AZIN2: variants seen among roughly 807,000 people sequenced by gnomAD.
AZIN2 encodes antizyme inhibitor 2, also known as ODC antizyme inhibitor-2.
In AZIN2, 28 loss-of-function variants were observed where a neutral mutation model predicts 47.8. The ratio of observed to expected loss-of-function variants is 0.59; its 90% CI spans 0.43 to 0.80. The LOEUF is 0.80. Ranked by LOEUF, AZIN2 falls within the 30% of genes least tolerant of loss-of-function variation. The probability of loss-of-function intolerance (pLI) is 0.00; values close to 1 mark genes in which losing one functional copy is unlikely to be tolerated. For synonymous variants in AZIN2, 221 were observed against 239.4 expected, an observed-to-expected ratio of 0.92 and a Z score of 0.71; for missense variants, 535 against 582.5, an observed-to-expected ratio of 0.92 and a Z score of 0.84.
chr1:33,162,283 AACTCCACCTGCCT>A, the AZIN2 span, among the ~76,000 whole-genome samples: 1 of 152,154 alleles, frequency 6.6e-6, no homozygotes, highest in African/African-American at 2.4e-5. Flanking sequence ...ACTGCATTGC[AACTCCACCTGCCT>A]AGAATGACCC....
intron 5 of AZIN2, among the ~76,000 whole-genome samples, chr1:33,087,369 G>A (rs1475528314): frequency 6.6e-6 from 1 of 151,772 alleles, no homozygotes; most frequent in African/African-American, 2.4e-5. Context: ...CCGACCTCAG[G>A]TGATCCACCC....
the AZIN2 span, chr1:33,147,697 G>A: frequency 1.9e-6 from 3 of 1,613,110 alleles, no homozygotes; most frequent in Non-Finnish European, 2.5e-6. The surrounding 1 kb of genome is among the most constrained non-coding windows in gnomAD (Gnocchi z 8.1). Flanking sequence ...CTGGTGGGCT[G>A]TGCCCGGGTC....
the AZIN2 span, among the ~76,000 whole-genome samples, chr1:33,152,009 T>C: frequency 6.6e-6 from 1 of 152,204 alleles, no homozygotes; most frequent in Non-Finnish European, 1.5e-5. Context: ...AAAAACCAGG[T>C]TCCTCAGTCC....
At chr1:33,139,393 G>T in the AZIN2 span, among the ~76,000 whole-genome samples, 1 of 152,156 alleles carries the variant, frequency 6.6e-6, no homozygotes, top group Non-Finnish European at 1.5e-5. Context: ...CATAGGACAG[G>T]ATCCCCATCT....
intron 10 of AZIN2, among the ~76,000 whole-genome samples, chr1:33,107,376 T>G (rs1246162516): frequency 6.6e-6 from 1 of 152,044 alleles, no homozygotes; most frequent in East Asian, 1.9e-4. Flanking sequence ...GGTCAGGAGT[T>G]CGAGACCAGC....
At chr1:33,091,701 C>T (rs1339682044) in intron 5 of AZIN2, among the ~76,000 whole-genome samples, 1 of 152,184 alleles carries the variant, frequency 6.6e-6, no homozygotes, top group African/African-American at 2.4e-5. Context: ...TTCCTTAAGA[C>T]AATTAATTGT....
intron 10 of AZIN2, among the ~76,000 whole-genome samples, chr1:33,107,607 A>G (rs1333843376): frequency 6.6e-6 from 1 of 152,112 alleles, no homozygotes; most frequent in Middle Eastern, 3.2e-3. Context: ...ACAAACAAAA[A>G]AACTCTAAAG....
chr1:33,133,716 T>A, the AZIN2 span, among the ~76,000 whole-genome samples: 1 of 152,304 alleles, frequency 6.6e-6, no homozygotes, highest in African/African-American at 2.4e-5. Flanking sequence ...CAGGGCAGGC[T>A]GTGCTTCTGG....
the AZIN2 span, chr1:33,143,182 T>C: frequency 3.3e-5 from 5 of 152,146 alleles, no homozygotes; most frequent in African/African-American, 1.2e-4. Flanking sequence ...ATCAAATATA[T>C]CTCTTGGAGA....
chr1:33,154,910 G>T, the AZIN2 span, among the ~76,000 whole-genome samples: 1 of 151,822 alleles, frequency 6.6e-6, no homozygotes, highest in South Asian at 2.1e-4. Flanking sequence ...TGGCTAACAC[G>T]GTGAAACCCC....
chr1:33,101,581 A>C (rs1643700164), intron 10 of AZIN2, among the ~76,000 whole-genome samples: 1 of 149,866 alleles, frequency 6.7e-6, no homozygotes, highest in African/African-American at 2.5e-5. Context: ...ACTCCATGGG[A>C]GATCTTGTCT....
At chr1:33,086,298 G>A (rs1013491879) in intron 5 of AZIN2, among the ~76,000 whole-genome samples, 3 of 152,136 alleles carry the variant, frequency 2.0e-5, no homozygotes, top group Non-Finnish European at 2.9e-5. Context: ...TGGAGGTTCC[G>A]CATCAGGGTG....
chr1:33,101,608 G>A (rs1643703473), intron 10 of AZIN2, among the ~76,000 whole-genome samples: 1 of 151,530 alleles, frequency 6.6e-6, no homozygotes, highest in Admixed American at 6.6e-5. Context: ...TCCTTTTAGA[G>A]TAATAAGCAT....
At chr1:33,158,716 T>C in the AZIN2 span, among the ~76,000 whole-genome samples, 1 of 152,214 alleles carries the variant, frequency 6.6e-6, no homozygotes, top group Admixed American at 6.5e-5. Context: ...AATGACTAAG[T>C]GTTATTACTA....
chr1:33,144,015 T>G, the AZIN2 span, among the ~76,000 whole-genome samples: 1 of 152,224 alleles, frequency 6.6e-6, no homozygotes, highest in Non-Finnish European at 1.5e-5. Context: ...ACCTAGTCCT[T>G]GCCTTTTCCT....
chr1:33,085,930 G>A (rs779083455), intron 5 of AZIN2, among the ~76,000 whole-genome samples: 6 of 152,182 alleles, frequency 3.9e-5, no homozygotes, highest in Non-Finnish European at 8.8e-5. Context: ...GGGCCTCCAC[G>A]TGGGATGAAA....
chr1:33,104,472 T>C (rs1643901402), intron 10 of AZIN2, among the ~76,000 whole-genome samples: 1 of 152,100 alleles, frequency 6.6e-6, no homozygotes, highest in African/African-American at 2.4e-5. Flanking sequence ...TTTAACTAAG[T>C]TTGCTGTAAT....
chr1:33,098,150 A>G lies in AZIN2; in HGVS notation c.1000A>G (p.Asn334Asp). The G allele has an allele frequency of 6.2e-7, 1 of 1,613,746 alleles. No homozygotes were observed. The highest frequency in any genetic ancestry group is 8.5e-7 in the Non-Finnish European group (1 of 1,179,868). ...YGIFNSVLFD[N>D]ICPTPILQKK... ...GATCTTCAACTCAGTCCTGTTTGAC[A>G]ACATCTGCCCTACCCCCATCCTGCA... The change falls in exon 10 of 12, where the codon AAC (asparagine) becomes GAC (aspartate). Residue 334 changes from asparagine (N) to aspartate (D), a missense_variant. Around this residue, in one of 3 missense-constraint regions of AZIN2, gnomAD observed 409 missense variants for 429.0 expected, o/e 0.95. Transcript: ENST00000294517.
chr1:33,128,882 A>T, the AZIN2 span, among the ~76,000 whole-genome samples: 1 of 152,190 alleles, frequency 6.6e-6, no homozygotes, highest in South Asian at 2.1e-4. Flanking sequence ...CCAAGTGGAG[A>T]TAATTGTGAT....
Sources: allele counts gnomAD v4.1 joint callset (sites outside exome capture counted in the v4.1 genomes callset), GRCh38; gene constraint gnomAD v4.1.1; regional missense constraint gnomAD v4.1.1; non-coding constraint Gnocchi (gnomAD v3.1); transcripts MANE v1.5; gene names NCBI Gene and HGNC (gene_info 2026-07-23, HGNC 2026-07-21).